Variants in WWP2 observed in about 807,000 individuals in gnomAD.
The protein encoded by WWP2 is WW domain containing E3 ubiquitin protein ligase 2.
Under a neutral mutation model 121.0 loss-of-function variants are expected in WWP2, and 57 were observed. The observed-to-expected ratio is 0.47, with a 90% CI of 0.38 to 0.59. The LOEUF (loss-of-function observed/expected upper bound fraction) is 0.59. Ranked by LOEUF, WWP2 falls within the 20% of genes least tolerant of loss-of-function variation. WWP2 has a pLI of 0.00. For synonymous variants in WWP2, 449 were observed against 441.3 expected, an observed-to-expected ratio of 1.02 and a Z score of -0.22; for missense variants, 962 against 1,158.9, an observed-to-expected ratio of 0.83 and a Z score of 2.47.
At chr16:69,906,716 T>C (rs1357782550) in intron 8 of WWP2, among the ~76,000 whole-genome samples, 2 of 152,060 alleles carry the variant, frequency 1.3e-5, no homozygotes, top group African/African-American at 2.4e-5. Context: ...ACCCTGTCTC[T>C]ACGAAATAAA....
rs574404792 is a variant in WWP2, at chr16:69,863,156, G to GT, written c.576-8641dup. Among the ~76,000 whole-genome samples the GT allele has an allele frequency of 7.7e-4, 117 of 152,218 alleles. 1 individual carries two copies. The highest frequency in any genetic ancestry group is 2.6e-3 in the African/African-American group (109 of 41,540). ...TCACATTCCCATCCACATTCTTGCTGTTTTTTTGACCATACCCTCACGCCA... is the reference window on the plus strand; with the variant it reads ...TCACATTCCCATCCACATTCTTGCTGTTTTTTTTGACCATACCCTCACGCCA... On this transcript the variant is annotated intron_variant, in intron 6 of 23. Transcript: ENST00000359154.
intron 6 of WWP2, among the ~76,000 whole-genome samples, chr16:69,868,885 G>A (rs2057579207): frequency 6.6e-6 from 1 of 152,146 alleles, no homozygotes; most frequent in South Asian, 2.1e-4. Context: ...GTGGTTGACA[G>A]CTTTTTGTTG....
chr16:69,772,549 A>G (rs1278624919), intron 1 of WWP2, among the ~76,000 whole-genome samples: 2 of 152,154 alleles, frequency 1.3e-5, no homozygotes, highest in Admixed American at 6.5e-5. Flanking sequence ...GGGCTACGCT[A>G]TAGGCAGTGT....
chr16:69,929,849 C>G (rs2058687837), intron 12 of WWP2, among the ~76,000 whole-genome samples: 1 of 152,232 alleles, frequency 6.6e-6, no homozygotes, highest in Non-Finnish European at 1.5e-5. Context: ...CCAACACCCC[C>G]AAGTGAAGCT....
At chr16:69,812,116 A>G (rs958672689) in intron 4 of WWP2, among the ~76,000 whole-genome samples, 2 of 138,394 alleles carry the variant, frequency 1.4e-5, no homozygotes, top group Non-Finnish European at 3.1e-5. Context: ...TAGGGTATTT[A>G]TGTCTTTCAT....
rs896158195 is a variant in WWP2, at chr16:69,939,277, G to A, written c.2441-64G>A. 89 of 1,601,538 alleles carry A rather than the reference G, an allele frequency of 5.6e-5. No homozygotes were observed. In the African/African-American group the frequency reaches 8.2e-4, roughly 15 times the overall value. ...GCCGAGCCCATCTGTGGGTGGAGCC[G>A]GAGGATCCTGCTTTGGGAAGGGACG... is the stretch of plus-strand genomic sequence containing the variant. On this transcript the variant is annotated intron_variant, in intron 22 of 23. Transcript: ENST00000359154.
Position 69,799,365 on chromosome 16 carries a change from G to T in WWP2, c.340+70G>T. 3 of 1,564,134 alleles carry T rather than the reference G, an allele frequency of 1.9e-6. No individual in the cohort carries two copies. Among genetic ancestry groups the T allele is most frequent in the Non-Finnish European group, 2.6e-6 (3 of 1,154,626 alleles). ...TGGGAGGACCTGGCAGATCAACCTGGTATTGCAATTTCCCCCAGGACTAGG... is the reference window on the plus strand; with the variant it reads ...TGGGAGGACCTGGCAGATCAACCTGTTATTGCAATTTCCCCCAGGACTAGG... On this transcript the variant is annotated intron_variant, in intron 4 of 23. Coordinates refer to ENST00000359154, the MANE Select transcript of WWP2 (RefSeq NM_001270454.2). The surrounding 1 kb of genome is among the most constrained non-coding windows in gnomAD (Gnocchi z 4.5).
At chr16:69,939,776 C>T (rs980468612) in intron 23 of WWP2, 65 bp from the exon 24 acceptor site, 3 of 1,452,458 alleles carry the variant, frequency 2.1e-6, no homozygotes, top group African/African-American at 1.4e-5. Flanking sequence ...TGCAGGCAGG[C>T]ATGGTGGGGC....
chr16:69,883,477 C>T (rs985099637), intron 7 of WWP2, among the ~76,000 whole-genome samples: 1 of 151,916 alleles, frequency 6.6e-6, no homozygotes, highest in Non-Finnish European at 1.5e-5. Flanking sequence ...CGTGAGTATT[C>T]GTGGGCACAG....
chr16:69,878,284 A>G (rs2057769679), intron 7 of WWP2, among the ~76,000 whole-genome samples: 1 of 152,222 alleles, frequency 6.6e-6, no homozygotes, highest in Non-Finnish European at 1.5e-5. Flanking sequence ...ACACAGAGAC[A>G]TGAAGTGAGT....
intron 4 of WWP2, among the ~76,000 whole-genome samples, chr16:69,836,446 G>A (rs2056878319): frequency 6.6e-6 from 1 of 151,986 alleles, no homozygotes; most frequent in Non-Finnish European, 1.5e-5. Context: ...GAAGCATGTG[G>A]CATCAGGTTG....
chr16:69,777,670 A>G (rs528051137), intron 1 of WWP2, among the ~76,000 whole-genome samples: 3 of 151,988 alleles, frequency 2.0e-5, no homozygotes, highest in Admixed American at 2.0e-4. Flanking sequence ...TTTCTACCCT[A>G]TTAGTTTGTA....
intron 8 of WWP2, among the ~76,000 whole-genome samples, chr16:69,901,246 T>C (rs1433424103): frequency 6.6e-6 from 1 of 152,226 alleles, no homozygotes; most frequent in Non-Finnish European, 1.5e-5. Context: ...GAGCATAGAA[T>C]ACAAAAATGT....
intron 1 of WWP2, among the ~76,000 whole-genome samples, chr16:69,786,422 A>T (rs1013290661): frequency 1.5e-5 from 2 of 137,482 alleles, no homozygotes; most frequent in East Asian, 2.2e-4. Flanking sequence ...TACAGGCATG[A>T]GCCACTGCGC....
intron 23 of WWP2, 152 bp from the exon 24 acceptor site, chr16:69,939,689 C>A: frequency 1.3e-6 from 1 of 745,950 alleles, no homozygotes; most frequent in Non-Finnish European, 2.1e-6. Flanking sequence ...ACCCCATGGT[C>A]CAGGCACCTG....
intron 2 of WWP2, among the ~76,000 whole-genome samples, chr16:69,789,360 G>A (rs1038137729): frequency 6.6e-6 from 1 of 152,160 alleles, no homozygotes; most frequent in Non-Finnish European, 1.5e-5. Context: ...CTCCTCAGTA[G>A]CTGGGACTAC....
chr16:69,924,310 C>T (rs1390664953), intron 10 of WWP2, among the ~76,000 whole-genome samples: 2 of 152,164 alleles, frequency 1.3e-5, no homozygotes, highest in Non-Finnish European at 2.9e-5. Context: ...ATTCATCCTC[C>T]TGCCCATGTG....
intron 2 of WWP2, among the ~76,000 whole-genome samples, chr16:69,797,762 G>A (rs1033070251): frequency 3.3e-5 from 5 of 151,938 alleles, no homozygotes; most frequent in Admixed American, 6.6e-5. Flanking sequence ...GGTGGCGGGC[G>A]CCTGTAATCC....
chr16:69,918,285 A>C (rs1165309418), intron 10 of WWP2, among the ~76,000 whole-genome samples: 1 of 152,118 alleles, frequency 6.6e-6, no homozygotes. Flanking sequence ...AAAAAAAAAC[A>C]AAAACAAAAA....
Sources: allele counts gnomAD v4.1 joint callset (sites outside exome capture counted in the v4.1 genomes callset), GRCh38; gene constraint gnomAD v4.1.1; non-coding constraint Gnocchi (gnomAD v3.1); transcripts MANE v1.5; gene names NCBI Gene and HGNC (gene_info 2026-07-23, HGNC 2026-07-21).